Variants in SIVA1 observed in about 807,000 individuals in gnomAD.
SIVA1 encodes SIVA1 apoptosis inducing factor.
Under a neutral mutation model 19.7 loss-of-function variants are expected in SIVA1, and 10 were observed. The observed-to-expected ratio is 0.51, with a 90% CI of 0.31 to 0.86. The LOEUF is 0.86. SIVA1 is among the 40% of genes least tolerant of loss of function. SIVA1 has a pLI of 0.04. For synonymous variants in SIVA1, 130 were observed against 106.1 expected, an observed-to-expected ratio of 1.23 and a Z score of -1.39; for missense variants, 241 against 245.2, an observed-to-expected ratio of 0.98 and a Z score of 0.11.
intron 1 of SIVA1, chr14:104,753,583 CT>C: frequency 2.0e-6 from 1 of 512,216 alleles, no homozygotes; most frequent in Admixed American, 3.4e-5. Flanking sequence ...CCCGCGCCCT[CT>C]TCCACGATCC....
At chr14:104,756,553 G>T in intron 2 of SIVA1, 51 bp from the exon 3 acceptor site, 1 of 1,610,372 alleles carries the variant, frequency 6.2e-7, no homozygotes. Flanking sequence ...CGGCAGTCCC[G>T]GAAACTCCAG....
At chr14:104,756,157 A>G (rs1289684677) in intron 2 of SIVA1, 4 of 472,042 alleles carry the variant, frequency 8.5e-6, no homozygotes, top group Non-Finnish European at 1.6e-5. Context: ...TCAGAGCATC[A>G]CCTGTGTTGC....
intron 1 of SIVA1, among the ~76,000 whole-genome samples, 176 bp downstream of exon 1, chr14:104,753,495 AGTGAGGGGGAT>A (rs1891777195): frequency 6.6e-6 from 1 of 152,106 alleles, no homozygotes; most frequent in Non-Finnish European, 1.5e-5. Context: ...GGCTGGGGTC[AGTGAGGGGGAT>A]GTGAGGACCC....
rs575065338 is a variant in SIVA1 at position 104,754,676 on chromosome 14, C to G, written c.119-954C>G. Among the ~76,000 whole-genome samples the G allele has an allele frequency of 3.3e-5, 5 of 152,300 alleles. No individual in the cohort carries two copies. The East Asian group carries it at 9.6e-4, about 29-fold the overall frequency. On this transcript the variant is annotated intron_variant, in intron 1 of 3. Coordinates refer to ENST00000329967, the MANE Select transcript of SIVA1 (RefSeq NM_006427.4). ...GTGACAGTTTCCAAATTCCAGGCCA[C>G]AGCTGTTACCCTGATCTCTTAACCT... is the stretch of plus-strand genomic sequence containing the variant.
chr14:104,759,310 T>G lies in SIVA1; in HGVS notation c.471-118T>G. The G allele has an allele frequency of 1.3e-6, 1 of 769,304 alleles. No individual in the cohort carries two copies. The highest frequency in any genetic ancestry group is 2.1e-6 in the Non-Finnish European group (1 of 468,310). 47.7% of individuals were successfully genotyped at this position (769,304 alleles called of 1,614,324 possible). A position where few individuals can be genotyped will look rare whatever the true frequency, so the allele number is the denominator to read the frequency against. Reference sequence around the variant, plus strand: ...TGCCCGCAGTGATCCTGTCTCCAGATAAGGTCATGTCCTGAGGTGTTCTGG... The same window carrying G: ...TGCCCGCAGTGATCCTGTCTCCAGAGAAGGTCATGTCCTGAGGTGTTCTGG... On this transcript the variant is annotated intron_variant, in intron 3 of 3. Transcript: ENST00000329967. The surrounding 1 kb of genome is among the most constrained non-coding windows in gnomAD (Gnocchi z 4.2).
chr14:104,756,109 G>T, intron 2 of SIVA1: 2 of 567,298 alleles, frequency 3.5e-6, no homozygotes, highest in Non-Finnish European at 6.4e-6. Context: ...CCACAAGGCT[G>T]GAAACATGCC....
In SIVA1 at chr14:104,756,692, G is replaced by A. The variant is rs1311055634; in HGVS notation, c.402G>A (p.Leu134=). ...KAVCGQCERA[L]CGQCVRTCWG... is the part of the protein sequence containing the mutation. ...TCTGCGGTCAGTGTGAGCGAGCCCT[G>A]TGCGGGCAGTGTGTGCGCACCTGCT... Residue 134 remains leucine (L), a synonymous_variant, in exon 3 of 4, where the codon CTG becomes CTA. Coordinates refer to ENST00000329967, the MANE Select transcript of SIVA1 (RefSeq NM_006427.4). 3 of 1,614,082 alleles carry A rather than the reference G, an allele frequency of 1.9e-6. No homozygotes were observed. The highest frequency in any genetic ancestry group is 3.3e-5 in the Admixed American group (2 of 60,002).
At chr14:104,753,822 G>C (rs1195434613) in intron 1 of SIVA1, 2 of 452,428 alleles carry the variant, frequency 4.4e-6, no homozygotes, top group Non-Finnish European at 8.9e-6. Context: ...CCGTCTCCCG[G>C]GAGCTCCCCA....
intron 2 of SIVA1, 96 bp from the exon 3 acceptor site, chr14:104,756,508 C>T: frequency 1.4e-6 from 2 of 1,415,568 alleles, no homozygotes; most frequent in Non-Finnish European, 2.0e-6. Flanking sequence ...AGGTCAGAGC[C>T]CTCTGCCCTC....
chr14:104,759,618 C>A lies in SIVA1; in HGVS notation c.*133C>A. 3.2e-6 allele frequency: 2 copies of A among 630,528 alleles called. No homozygotes were observed. The highest frequency in any genetic ancestry group is 5.5e-6 in the Non-Finnish European group (2 of 361,284). The allele number at this position is 630,528 out of a possible 1,614,324, so 39.1% of individuals were successfully genotyped here. On this transcript the variant is annotated 3_prime_UTR_variant, in exon 4 of 4. Transcript: ENST00000329967. This position sits in a 1 kb window ranked among gnomAD's most constrained non-coding sequence, Gnocchi z 4.2. ...GCCTTTTACATGTTCTATTTTGTAT[C>A]CTAATGACAGAATGAATAAACCTCT...
chr14:104,759,357 T>C lies in SIVA1; in HGVS notation c.471-71T>C. The C allele has an allele frequency of 1.5e-6, 2 of 1,322,422 alleles. No individual in the cohort carries two copies. The highest frequency in any genetic ancestry group is 1.5e-5 in the African/African-American group (1 of 68,832). The allele number at this position is 1,322,422 out of a possible 1,614,324, so 81.9% of individuals were successfully genotyped here. A position where few individuals can be genotyped will look rare whatever the true frequency, so the allele number is the denominator to read the frequency against. ...CTGGGTTAGGACTTTGACGTTTGAATGGTGGGGGGTGGTGGACACAATTCA... is the reference window on the plus strand; with the variant it reads ...CTGGGTTAGGACTTTGACGTTTGAACGGTGGGGGGTGGTGGACACAATTCA... On this transcript the variant is annotated intron_variant, in intron 3 of 3. Transcript: ENST00000329967. The surrounding 1 kb of genome is among the most constrained non-coding windows in gnomAD (Gnocchi z 4.2).
chr14:104,759,581 G>C lies in SIVA1; in HGVS notation c.*96G>C. ...GGTGTTCACACTGAACTGTGGGGTC[G>C]ACGGGAGGGGTGCCTTTTACATGTT... On this transcript the variant is annotated 3_prime_UTR_variant, in exon 4 of 4. Transcript: ENST00000329967. This position sits in a 1 kb window ranked among gnomAD's most constrained non-coding sequence, Gnocchi z 4.2. 1 of 923,744 alleles carries C rather than the reference G, an allele frequency of 1.1e-6. No homozygotes were observed. The allele number at this position is 923,744 out of a possible 1,614,324, so 57.2% of individuals were successfully genotyped here.
At chr14:104,753,607 G>C (rs58368728) in intron 1 of SIVA1, 13 of 487,284 alleles carry the variant, frequency 2.7e-5, no homozygotes, top group African/African-American at 2.6e-4. Flanking sequence ...GTTAGTCGCC[G>C]CCCTGCAGTG....
intron 3 of SIVA1, chr14:104,757,271 C>G: frequency 2.3e-6 from 1 of 438,036 alleles, no homozygotes; most frequent in Non-Finnish European, 4.6e-6. Flanking sequence ...CGTTCTCACC[C>G]TAGGGGCTAC....
At chr14:104,755,907 G>C in intron 2 of SIVA1, 83 bp downstream of exon 2, 1 of 1,327,680 alleles carries the variant, frequency 7.5e-7, no homozygotes, top group Non-Finnish European at 1.1e-6. Context: ...TGCAAGGTCA[G>C]GCTTTTCCTC....
At chr14:104,753,704 C>T (rs1404187052) in intron 1 of SIVA1, 3 of 433,120 alleles carry the variant, frequency 6.9e-6, no homozygotes, top group Middle Eastern at 6.7e-4. Flanking sequence ...TGCATGGAGT[C>T]AACCCGAAGA....
intron 2 of SIVA1, 90 bp downstream of exon 2, chr14:104,755,914 C>T (rs1223519242): frequency 2.4e-6 from 3 of 1,260,704 alleles, no homozygotes; most frequent in Non-Finnish European, 3.4e-6. Context: ...TCAGGCTTTT[C>T]CTCCCTGGGT....
At chr14:104,754,748 G>A (rs1891828836) in intron 1 of SIVA1, among the ~76,000 whole-genome samples, 1 of 152,194 alleles carries the variant, frequency 6.6e-6, no homozygotes, top group Admixed American at 6.6e-5. Flanking sequence ...CTCACCACGT[G>A]TCTGTCCCAT....
At chr14:104,754,391 G>A (rs1891816645) in intron 1 of SIVA1, among the ~76,000 whole-genome samples, 1 of 152,222 alleles carries the variant, frequency 6.6e-6, no homozygotes, top group Admixed American at 6.5e-5. Flanking sequence ...GGGCCATGGG[G>A]AGGTAAGGGG....
Sources: gnomAD v4.1 joint callset for allele counts (sites outside exome capture counted in the v4.1 genomes callset) on GRCh38, gnomAD v4.1.1 for gene constraint, Gnocchi (gnomAD v3.1) non-coding constraint, MANE v1.5 for transcripts, NCBI Gene and HGNC (gene_info 2026-07-23, HGNC 2026-07-21) for gene names.